The following NRXN1 variants were observed in gnomAD, a reference collection of about 807,000 sequenced individuals.
The protein encoded by NRXN1 is neurexin-1.
A neutral mutation model predicts 150.9 loss-of-function variants in NRXN1; 39 were observed. The observed-to-expected ratio is 0.26, with a 90% CI of 0.20 to 0.34. The LOEUF is 0.34. Ranked by LOEUF, NRXN1 falls within the 10% of genes least tolerant of loss-of-function variation. The pLI, the probability that NRXN1 is intolerant of heterozygous loss-of-function variation, is 1.00. For synonymous variants in NRXN1, 924 were observed against 757.0 expected, an observed-to-expected ratio of 1.22 and a Z score of -3.62; for missense variants, 1,815 against 1,949.9, an observed-to-expected ratio of 0.93 and a Z score of 1.30.
chr2:50,756,948 T>G (rs181072901), intron 5 of NRXN1, among the ~76,000 whole-genome samples: 1 of 151,976 alleles, frequency 6.6e-6, no homozygotes, highest in Admixed American at 6.6e-5. Flanking sequence ...TGTGCTGTCT[T>G]TGAAAAACGG....
chr2:50,186,312 A>T (rs1333133148), intron 18 of NRXN1, among the ~76,000 whole-genome samples: 1 of 152,130 alleles, frequency 6.6e-6, no homozygotes, highest in Non-Finnish European at 1.5e-5. Flanking sequence ...CTTCATGTCA[A>T]CATTTCAAGA....
chr2:50,056,879 T>C (rs6545147), intron 19 of NRXN1, among the ~76,000 whole-genome samples: 113,371 of 152,050 alleles, frequency 0.75, 43,168 homozygotes, highest in African/African-American at 0.91. Context: ...CCAACTCACA[T>C]TGGCATAACA....
At chr2:50,778,805 TA>T (rs1261282955) in intron 5 of NRXN1, among the ~76,000 whole-genome samples, 3 of 152,210 alleles carry the variant, frequency 2.0e-5, no homozygotes, top group African/African-American at 7.2e-5. Context: ...GTGACATGAA[TA>T]ACCTAAATTT....
At chr2:50,889,668 G>A (rs937941466) in intron 5 of NRXN1, among the ~76,000 whole-genome samples, 3 of 151,506 alleles carry the variant, frequency 2.0e-5, no homozygotes, top group Non-Finnish European at 4.4e-5. Flanking sequence ...CTTCTTATTG[G>A]TAATAGCTTT....
chr2:50,512,823 C>T (rs2092499133), intron 12 of NRXN1, among the ~76,000 whole-genome samples: 1 of 152,136 alleles, frequency 6.6e-6, no homozygotes, highest in Non-Finnish European at 1.5e-5. Context: ...CTTTGGATAG[C>T]AGAATCAGTA....
At chr2:50,923,762 T>A (rs1312036747) in intron 3 of NRXN1, among the ~76,000 whole-genome samples, 1 of 151,880 alleles carries the variant, frequency 6.6e-6, no homozygotes, top group African/African-American at 2.4e-5. Context: ...TCAGATATAT[T>A]TGAAACTTTA....
chr2:51,025,361 C>T (rs895502915), intron 2 of NRXN1, among the ~76,000 whole-genome samples: 1 of 152,156 alleles, frequency 6.6e-6, no homozygotes, highest in African/African-American at 2.4e-5. Context: ...AAATAAAATG[C>T]ATTTCAGATA....
intron 21 of NRXN1, among the ~76,000 whole-genome samples, chr2:50,008,806 A>G (rs1333506023): frequency 6.6e-6 from 1 of 152,154 alleles, no homozygotes; most frequent in Non-Finnish European, 1.5e-5. Context: ...TACAAAGTAT[A>G]TAAGATTACT....
At chr2:50,946,743 T>C (rs1690455439) in intron 2 of NRXN1, among the ~76,000 whole-genome samples, 1 of 152,156 alleles carries the variant, frequency 6.6e-6, no homozygotes, top group Non-Finnish European at 1.5e-5. Context: ...GCAAGACTTA[T>C]TCCAAACATG....
intron 5 of NRXN1, among the ~76,000 whole-genome samples, chr2:50,835,053 G>T: frequency 6.6e-6 from 1 of 152,224 alleles, no homozygotes; most frequent in East Asian, 1.9e-4. Flanking sequence ...TATTTTCTGA[G>T]AATAATATAG....
intron 5 of NRXN1, among the ~76,000 whole-genome samples, chr2:50,778,076 TC>T (rs962337057): frequency 9.9e-5 from 15 of 152,146 alleles, no homozygotes; most frequent in Non-Finnish European, 1.8e-4. Flanking sequence ...CCCCCTTTTT[TC>T]TTTACACTTG....
chr2:50,265,436 G>A (rs1411125224), intron 17 of NRXN1, among the ~76,000 whole-genome samples: 1 of 152,082 alleles, frequency 6.6e-6, no homozygotes, highest in African/African-American at 2.4e-5. Context: ...ATCATAAAGA[G>A]GGGAGAGTAA....
chr2:50,157,384 C>T (rs148859194), intron 18 of NRXN1, among the ~76,000 whole-genome samples: 30 of 151,968 alleles, frequency 2.0e-4, no homozygotes, highest in African/African-American at 5.3e-4. Flanking sequence ...TAAGCATAGG[C>T]GTTTATAATA....
chr2:51,030,427 T>A (rs1282981428), intron 1 of NRXN1, among the ~76,000 whole-genome samples: 1 of 152,008 alleles, frequency 6.6e-6, no homozygotes, highest in African/African-American at 2.4e-5. Flanking sequence ...AGAGCATTTC[T>A]CTTCAGTACA....
intron 17 of NRXN1, among the ~76,000 whole-genome samples, chr2:50,326,132 G>A (rs2076370081): frequency 6.6e-6 from 1 of 151,746 alleles, no homozygotes; most frequent in Non-Finnish European, 1.5e-5. Flanking sequence ...TTCATTTCAT[G>A]GGCTGATTTT....
intron 5 of NRXN1, among the ~76,000 whole-genome samples, chr2:50,803,933 C>T (rs1667163215): frequency 6.6e-6 from 1 of 152,106 alleles, no homozygotes; most frequent in Non-Finnish European, 1.5e-5. Flanking sequence ...ATGAATATAC[C>T]TGTATCACTC....
At chr2:50,164,036 G>A (rs553882331) in intron 18 of NRXN1, among the ~76,000 whole-genome samples, 1 of 152,226 alleles carries the variant, frequency 6.6e-6, no homozygotes, top group East Asian at 1.9e-4. Flanking sequence ...TTGTATTTCA[G>A]TATTGAAATT....
chr2:50,221,713 C>G (rs897194104), intron 18 of NRXN1, among the ~76,000 whole-genome samples: 20 of 151,902 alleles, frequency 1.3e-4, no homozygotes, highest in African/African-American at 4.6e-4. Context: ...CAACTAGGTA[C>G]ATCTTTTTTC....
chr2:50,686,673 T>C (rs78225701), intron 5 of NRXN1, among the ~76,000 whole-genome samples: 4,214 of 152,326 alleles, frequency 0.028, 114 homozygotes, highest in East Asian at 0.15. Flanking sequence ...GAAAGAACCT[T>C]GATTCTGCTG....
Sources: allele counts gnomAD v4.1 joint callset (sites outside exome capture counted in the v4.1 genomes callset), GRCh38; gene constraint gnomAD v4.1.1; transcripts MANE v1.5; gene names NCBI Gene and HGNC (gene_info 2026-07-23, HGNC 2026-07-21).